The following C1QTNF3 variants were observed in gnomAD, a reference collection of about 807,000 sequenced individuals.
C1QTNF3 encodes C1q and TNF related 3.
C1QTNF3 carries 26 observed loss-of-function variants against 32.6 expected under a neutral mutation model. The observed-to-expected ratio is 0.80, with a 90% CI of 0.58 to 1.11. The LOEUF is 1.11. Ranked by LOEUF, C1QTNF3 falls within the 50% of genes least tolerant of loss-of-function variation. The pLI is 0.00. For missense variants in C1QTNF3, 362 were observed against 398.2 expected, an observed-to-expected ratio of 0.91 and a Z score of 0.77; for synonymous variants, 155 against 146.0, an observed-to-expected ratio of 1.06 and a Z score of -0.44.
the C1QTNF3 span, among the ~76,000 whole-genome samples, chr5:34,114,114 T>C: frequency 1.3e-5 from 2 of 152,212 alleles, no homozygotes; most frequent in African/African-American, 2.4e-5. Flanking sequence ...TTCTCAATCA[T>C]CTTTAAATGG....
the C1QTNF3 span, among the ~76,000 whole-genome samples, chr5:34,146,521 C>G: frequency 2.0e-5 from 3 of 152,298 alleles, no homozygotes; most frequent in African/African-American, 7.2e-5. Context: ...CTCACACTTA[C>G]AATCACCTGA....
Position 34,026,710 on chromosome 5 carries a change from A to G in C1QTNF3, c.700+2044T>C, listed in dbSNP as rs1355685460. On this transcript the variant is annotated intron_variant, in intron 4 of 5. Coordinates refer to ENST00000382065, the MANE Select transcript of C1QTNF3 (RefSeq NM_181435.6). ...AACTGCCCTGGTCCTTTCTTCACCA[A>G]GAAACTAGAGCATACGGCTGGTCTA... Among the ~76,000 whole-genome samples the G allele has an allele frequency of 3.9e-5, 6 of 152,272 alleles. No homozygotes were observed. The South Asian group carries it at 1.2e-3, about 32-fold the overall frequency.
chr5:34,045,108 G>A (rs1454584008), upstream of C1QTNF3, among the ~76,000 whole-genome samples: 1 of 152,194 alleles, frequency 6.6e-6, no homozygotes, highest in Non-Finnish European at 1.5e-5. Context: ...GCAAGCAGTG[G>A]CTCTGAAATC....
At chr5:34,023,057 G>A (rs376706094) in intron 5 of C1QTNF3, among the ~76,000 whole-genome samples, 41 of 152,110 alleles carry the variant, frequency 2.7e-4, no homozygotes, top group Admixed American at 5.2e-4. Context: ...GGGTTTCACC[G>A]TGTTAGCCAG....
chr5:34,042,537 C>T (rs1754894474), intron 1 of C1QTNF3, among the ~76,000 whole-genome samples: 1 of 152,060 alleles, frequency 6.6e-6, no homozygotes, highest in Admixed American at 6.6e-5. Context: ...AAATCAAGTC[C>T]CAGCATAGCA....
At chr5:34,128,962 C>T in the C1QTNF3 span, among the ~76,000 whole-genome samples, 1 of 152,138 alleles carries the variant, frequency 6.6e-6, no homozygotes, top group Admixed American at 6.5e-5. Context: ...TATGGTTTGG[C>T]TCTGTGTCCC....
the C1QTNF3 span, among the ~76,000 whole-genome samples, chr5:34,163,051 G>A: frequency 6.6e-6 from 1 of 152,112 alleles, no homozygotes; most frequent in Non-Finnish European, 1.5e-5. Context: ...ATTCCACCTT[G>A]TATGTGCACA....
At chr5:34,078,523 C>G in the C1QTNF3 span, among the ~76,000 whole-genome samples, 1 of 151,746 alleles carries the variant, frequency 6.6e-6, no homozygotes, top group African/African-American at 2.4e-5. The surrounding 1 kb of genome is among the most constrained non-coding windows in gnomAD (Gnocchi z 4.0). Context: ...TGGGAACTCA[C>G]TCACTATCAT....
At position 34,033,294 on chromosome 5, in the gene C1QTNF3, G is replaced by A; in HGVS notation, c.570+10C>T. On this transcript the variant is annotated intron_variant, in intron 3 of 5. Transcript: ENST00000382065. ...GAAAGCCACCAGGAGATGTACCGAG[G>A]ATGGTTTACCTGAAGTTCTGGTGGA... is the stretch of plus-strand genomic sequence containing the variant. The A allele has an allele frequency of 6.2e-7, 1 of 1,613,414 alleles. No individual in the cohort carries two copies. The highest frequency in any genetic ancestry group is 1.1e-5 in the South Asian group (1 of 90,966).
chr5:34,138,897 G>T, the C1QTNF3 span, among the ~76,000 whole-genome samples: 1 of 151,862 alleles, frequency 6.6e-6, no homozygotes, highest in Non-Finnish European at 1.5e-5. Flanking sequence ...CTAATTTACA[G>T]ACAAAAGGTT....
the C1QTNF3 span, among the ~76,000 whole-genome samples, chr5:34,143,244 T>A: frequency 6.6e-6 from 1 of 152,058 alleles, no homozygotes; most frequent in Non-Finnish European, 1.5e-5. Context: ...CAAAATAAGT[T>A]TAAAATGAAC....
the C1QTNF3 span, among the ~76,000 whole-genome samples, chr5:34,136,772 G>A: frequency 2.6e-5 from 4 of 152,174 alleles, no homozygotes; most frequent in Non-Finnish European, 4.4e-5. Context: ...GTGATAGACT[G>A]GATTAAGAAA....
the C1QTNF3 span, among the ~76,000 whole-genome samples, chr5:34,195,933 G>A: frequency 6.6e-6 from 1 of 152,304 alleles, no homozygotes; most frequent in Admixed American, 6.5e-5. Flanking sequence ...AGGTTTAGAT[G>A]AGGTCATGAG....
intron 3 of C1QTNF3, among the ~76,000 whole-genome samples, chr5:34,029,557 T>C (rs780310639): frequency 1.3e-5 from 2 of 152,228 alleles, no homozygotes; most frequent in Non-Finnish European, 2.9e-5. Flanking sequence ...ACCCAAAAAG[T>C]AGACAACACA....
chr5:34,163,106 T>C, the C1QTNF3 span, among the ~76,000 whole-genome samples: 4 of 152,182 alleles, frequency 2.6e-5, no homozygotes, highest in South Asian at 6.2e-4. Context: ...ATTGGCAGCT[T>C]CTGTGTCTTA....
At chr5:34,207,814 G>C in the C1QTNF3 span, among the ~76,000 whole-genome samples, 4 of 150,708 alleles carry the variant, frequency 2.7e-5, no homozygotes, top group African/African-American at 7.3e-5. Flanking sequence ...TTGAGACAGA[G>C]TCTCACTCAG....
the C1QTNF3 span, among the ~76,000 whole-genome samples, chr5:34,178,278 T>A: frequency 6.6e-5 from 10 of 152,112 alleles, no homozygotes; most frequent in Non-Finnish European, 1.2e-4. Context: ...AAACTCCTCC[T>A]CAAAGGAGAA....
chr5:34,047,425 A>G (rs1247284633), upstream of C1QTNF3, among the ~76,000 whole-genome samples: 2 of 152,186 alleles, frequency 1.3e-5, no homozygotes, highest in Non-Finnish European at 2.9e-5. Flanking sequence ...GGCCTCCCCC[A>G]TGGTGCTTCA....
chr5:34,097,145 TC>T, the C1QTNF3 span, among the ~76,000 whole-genome samples: 1 of 151,954 alleles, frequency 6.6e-6, no homozygotes, highest in Non-Finnish European at 1.5e-5. Context: ...GAAGTTTTGA[TC>T]ATCTGGTTTA....
Sources: allele counts gnomAD v4.1 joint callset (sites outside exome capture counted in the v4.1 genomes callset), GRCh38; gene constraint gnomAD v4.1.1; non-coding constraint Gnocchi (gnomAD v3.1); transcripts MANE v1.5; gene names NCBI Gene and HGNC (gene_info 2026-07-23, HGNC 2026-07-21).